The following ADAM12 variants were observed in gnomAD, a reference collection of about 807,000 sequenced individuals.
ADAM12 encodes the protein ADAM metallopeptidase domain 12, also known as disintegrin and metalloproteinase domain-containing protein 12.
ADAM12 carries 70 observed loss-of-function variants against 106.4 expected under a neutral mutation model. The ratio of observed to expected loss-of-function variants is 0.66; its 90% CI spans 0.54 to 0.80. ADAM12 has a LOEUF of 0.80. ADAM12 is among the 30% of genes least tolerant of loss of function. The pLI is 0.00. For synonymous variants in ADAM12, 420 were observed against 433.5 expected, an observed-to-expected ratio of 0.97 and a Z score of 0.39; for missense variants, 1,010 against 1,171.9, an observed-to-expected ratio of 0.86 and a Z score of 2.02.
chr10:126,062,861 G>C (rs969125868), intron 14 of ADAM12, among the ~76,000 whole-genome samples: 1 of 152,232 alleles, frequency 6.6e-6, no homozygotes, highest in Non-Finnish European at 1.5e-5. Context: ...GAGAAAGGCT[G>C]GGACGGGGAC....
At chr10:126,338,715 A>G (rs569347385) in intron 1 of ADAM12, among the ~76,000 whole-genome samples, 3 of 152,324 alleles carry the variant, frequency 2.0e-5, no homozygotes, top group African/African-American at 7.2e-5. Context: ...TGTCAAATAC[A>G]TACATTCACT....
intron 1 of ADAM12, among the ~76,000 whole-genome samples, chr10:126,381,676 T>C (rs1450573476): frequency 1.3e-5 from 2 of 151,898 alleles, no homozygotes; most frequent in Admixed American, 1.3e-4. Flanking sequence ...TTGTATCTTT[T>C]TTTTTAGTAG....
At chr10:126,113,680 AAAAAAAAATATATATATATATATATAT>A in intron 6 of ADAM12, among the ~76,000 whole-genome samples, 2 of 54,104 alleles carry the variant, frequency 3.7e-5, no homozygotes, top group African/African-American at 1.8e-4. Context: ...AAAAAAAAAA[AAAAAAAAATATATATATATATATATAT>A]ATATATATAT....
At chr10:126,256,113 C>T (rs906375981) in intron 3 of ADAM12, among the ~76,000 whole-genome samples, 2 of 152,136 alleles carry the variant, frequency 1.3e-5, no homozygotes, top group African/African-American at 4.8e-5. Context: ...TACTTATGTC[C>T]AGGTAAAAGT....
In ADAM12 at chr10:126,111,462, C is replaced by A. The variant is rs149922823; in HGVS notation, c.604-1622G>T. 2.9e-4 allele frequency among the ~76,000 whole-genome samples: 44 copies of A among 152,194 alleles called. No individual in the cohort carries two copies. The East Asian group carries it at 7.5e-3, about 26-fold the overall frequency. On this transcript the variant is annotated intron_variant, in intron 6 of 22. Transcript: ENST00000448723. ...AACCCTCTCTGTTGTCCATAATTCC[C>A]TAATTAATCATTAAAAAAATTTGGC... is the stretch of plus-strand genomic sequence containing the variant.
At chr10:126,235,141 C>T (rs752919960) in intron 3 of ADAM12, among the ~76,000 whole-genome samples, 3 of 152,186 alleles carry the variant, frequency 2.0e-5, no homozygotes, top group Admixed American at 1.3e-4. Flanking sequence ...GCCAGGCCAC[C>T]GCAGGTTGGG....
chr10:126,218,726 T>G (rs1958034795), intron 3 of ADAM12, among the ~76,000 whole-genome samples: 2 of 152,216 alleles, frequency 1.3e-5, no homozygotes. Flanking sequence ...ATCCAATGTC[T>G]GGACACAAAA....
chr10:126,219,312 G>A (rs1011084451), intron 3 of ADAM12, among the ~76,000 whole-genome samples: 7 of 152,138 alleles, frequency 4.6e-5, no homozygotes, highest in African/African-American at 7.2e-5. Flanking sequence ...GACCTGCTTC[G>A]GGAGGCTCTG....
chr10:126,108,446 A>AGGC (rs1282489140), intron 8 of ADAM12, 147 bp downstream of exon 8: 1 of 681,738 alleles, frequency 1.5e-6, no homozygotes, highest in African/African-American at 1.8e-5. Flanking sequence ...AGGACCCAGG[A>AGGC]ATTACACACT....
chr10:126,111,474 TA>T (rs1052139772), intron 6 of ADAM12, among the ~76,000 whole-genome samples: 6 of 152,132 alleles, frequency 3.9e-5, no homozygotes, highest in East Asian at 3.9e-4. Context: ...AATTAATCAT[TA>T]AAAAAATTTG....
chr10:126,379,541 C>A (rs192499732), intron 1 of ADAM12, among the ~76,000 whole-genome samples: 43 of 151,934 alleles, frequency 2.8e-4, no homozygotes, highest in African/African-American at 1.0e-3. Flanking sequence ...GGGCGCCTGT[C>A]AGGGGGATGG....
intron 3 of ADAM12, among the ~76,000 whole-genome samples, chr10:126,248,968 A>C (rs1408189865): frequency 3.9e-5 from 6 of 152,052 alleles, no homozygotes. Context: ...GGCCTCCTGA[A>C]GTGCTGGGAT....
chr10:126,168,336 C>A (rs1957061224), intron 3 of ADAM12, among the ~76,000 whole-genome samples: 1 of 152,192 alleles, frequency 6.6e-6, no homozygotes, highest in Non-Finnish European at 1.5e-5. Flanking sequence ...AAATCTCATT[C>A]TGCCATTTTC....
chr10:126,312,700 A>G (rs1167855162), intron 2 of ADAM12, among the ~76,000 whole-genome samples: 1 of 152,136 alleles, frequency 6.6e-6, no homozygotes, highest in Non-Finnish European at 1.5e-5. Context: ...TGGCTTTATT[A>G]AATACTGTTT....
chr10:126,108,587 A>G lies in ADAM12; in HGVS notation c.741+6T>C, dbSNP rs759744155. 60 of 1,612,220 alleles carry G rather than the reference A, an allele frequency of 3.7e-5. No individual in the cohort carries two copies. The highest frequency in any genetic ancestry group is 1.6e-4 in the Middle Eastern group (1 of 6,076). ...TGAATGATTTAACTACTGAAAAAGA[A>G]CTTACCTTGTCAACGTGATTAGCAA... On this transcript the variant is annotated splice_donor_region_variant and intron_variant, in intron 8 of 22. Coordinates refer to ENST00000448723, the MANE Select transcript of ADAM12 (RefSeq NM_001288973.2).
At chr10:126,307,456 C>T (rs1181398468) in intron 2 of ADAM12, among the ~76,000 whole-genome samples, 1 of 152,114 alleles carries the variant, frequency 6.6e-6, no homozygotes, top group Non-Finnish European at 1.5e-5. Context: ...GGGGTTCAAG[C>T]GATTCTCATG....
At chr10:126,065,477 C>A (rs991351636) in intron 13 of ADAM12, among the ~76,000 whole-genome samples, 1 of 152,104 alleles carries the variant, frequency 6.6e-6, no homozygotes, top group African/African-American at 2.4e-5. Context: ...TTTAGTCAGT[C>A]GTCAAATCAT....
chr10:126,344,549 A>T (rs1289416098), intron 1 of ADAM12, among the ~76,000 whole-genome samples: 1 of 151,678 alleles, frequency 6.6e-6, no homozygotes, highest in Non-Finnish European at 1.5e-5. Flanking sequence ...GTTTTTTCCA[A>T]CTCTGTGAAG....
At chr10:126,289,142 G>A (rs1479859159) in intron 2 of ADAM12, among the ~76,000 whole-genome samples, 2 of 152,182 alleles carry the variant, frequency 1.3e-5, no homozygotes, top group Non-Finnish European at 2.9e-5. Context: ...GTGACTTGGT[G>A]CCTGGGGGCT....
Sources: gnomAD v4.1 joint callset for allele counts (sites outside exome capture counted in the v4.1 genomes callset) on GRCh38, gnomAD v4.1.1 for gene constraint, MANE v1.5 for transcripts, NCBI Gene and HGNC (gene_info 2026-07-23, HGNC 2026-07-21) for gene names.